Variants in ARSF observed in about 807,000 individuals in gnomAD.
The protein encoded by ARSF is arylsulfatase F.
ARSF carries 33 observed loss-of-function variants against 35.4 expected under a neutral mutation model. The ratio of observed to expected loss-of-function variants is 0.93; its 90% CI spans 0.71 to 1.25. ARSF has a LOEUF of 1.25. Ranked by LOEUF, ARSF falls within the 50% of genes most tolerant of loss-of-function variation. The pLI is 0.00. For synonymous variants in ARSF, 222 were observed against 193.1 expected (o/e 1.15, Z -1.24); for missense variants, 501 against 480.2 (o/e 1.04, Z -0.40).
intron 5 of ARSF, among the ~76,000 whole-genome samples, chrX:3,083,516 A>G (rs909975999): frequency 2.4e-4 from 17 of 69,593 alleles, no homozygotes; most frequent in Non-Finnish European, 4.1e-4. Flanking sequence ...CTATCTATCT[A>G]TCTATCTATC....
chrX:3,093,891 C>T (rs1177883224), intron 7 of ARSF, among the ~76,000 whole-genome samples: 1 of 111,869 alleles, frequency 8.9e-6, no homozygotes, highest in African/African-American at 3.2e-5. Flanking sequence ...TGCAGCCTCA[C>T]CAGCATCTGT....
chrX:3,072,161 C>T lies in ARSF; in HGVS notation c.147C>T (p.Gly49=), dbSNP rs749950847. 1.7e-6 allele frequency: 2 copies of T among 1,210,764 alleles called. No individual in the cohort carries two copies. Among genetic ancestry groups the T allele is most frequent in the East Asian group, 3.0e-5 (1 of 33,820 alleles). The change falls in exon 3 of 11, where the codon GGC becomes GGT. Residue 49 remains glycine (G), a synonymous_variant. Transcript: ENST00000381127. The stretch of plus-strand genomic sequence containing the variant: ...GTATTGGAGATCTGGGCTGCTACGG[C>T]AATGACACCATGAGGTAAGGCGGTT... ...DLGIGDLGCY[G]NDTMRTPHID... is the part of the protein sequence containing the mutation.
intron 1 of ARSF, among the ~76,000 whole-genome samples, chrX:3,055,338 A>G (rs181123730): frequency 0.054 from 4,522 of 83,749 alleles, 231 homozygotes; most frequent in African/African-American, 0.15. Context: ...GCAAAACTCC[A>G]TTTCAAAAAA....
chrX:3,112,286 C>A lies in ARSF; in HGVS notation c.1503C>A (p.His501Gln). ...GTTTCGGAGAACAGGTTACCTACCACAACCCCCCTCTGCTCTTCGATCTCT... is the reference window on the plus strand; with the variant it reads ...GTTTCGGAGAACAGGTTACCTACCAAAACCCCCCTCTGCTCTTCGATCTCT... ...CRCFGEQVTY[H>Q]NPPLLFDLSR... The change falls in exon 11 of 11, where the codon CAC (histidine) becomes CAA (glutamine). Residue 501 changes from histidine to glutamine, a missense_variant. Transcript: ENST00000381127. 1.7e-6 allele frequency: 2 copies of A among 1,211,126 alleles called. No homozygotes were observed. Among genetic ancestry groups the A allele is most frequent in the Middle Eastern group, 4.6e-4 (2 of 4,352 alleles).
At chrX:3,095,122 T>TG (rs1415217791) in intron 7 of ARSF, among the ~76,000 whole-genome samples, 1 of 108,629 alleles carries the variant, frequency 9.2e-6, no homozygotes, top group African/African-American at 3.3e-5. Context: ...CACTCTAGCC[T>TG]GGGTGACAGA....
At chrX:3,092,176 GATACATAC>G (rs776181940) in intron 7 of ARSF, among the ~76,000 whole-genome samples, 5 of 41,137 alleles carry the variant, frequency 1.2e-4, no homozygotes, top group South Asian at 2.0e-3. Context: ...ATGATAGATA[GATACATAC>G]ATACATACAT....
intron 2 of ARSF, among the ~76,000 whole-genome samples, chrX:3,069,897 A>G (rs1027948046): frequency 1.8e-5 from 2 of 111,850 alleles, no homozygotes; most frequent in African/African-American, 6.5e-5. Context: ...CCTATTTGTG[A>G]TGAGAACACT....
intron 7 of ARSF, among the ~76,000 whole-genome samples, chrX:3,096,814 C>T (rs763710979): frequency 6.7e-5 from 7 of 104,090 alleles, no homozygotes; most frequent in Admixed American, 2.1e-4. Context: ...AGTTGACTTA[C>T]ATCCCCCCAA....
chrX:3,095,934 C>T (rs1365874279), intron 7 of ARSF, among the ~76,000 whole-genome samples: 1 of 104,081 alleles, frequency 9.6e-6, no homozygotes, highest in Non-Finnish European at 2.0e-5. Context: ...TTGATATTAT[C>T]TATATTTTAT....
At chrX:3,105,601 A>G (rs752023545) in intron 9 of ARSF, among the ~76,000 whole-genome samples, 1 of 111,255 alleles carries the variant, frequency 9.0e-6, no homozygotes, top group African/African-American at 3.3e-5. Context: ...AGTAGCTGGG[A>G]CTACAGGCAC....
intron 4 of ARSF, among the ~76,000 whole-genome samples, chrX:3,080,670 C>T (rs2090194258): frequency 9.1e-6 from 1 of 110,382 alleles, no homozygotes; most frequent in Non-Finnish European, 1.9e-5. Context: ...GCTGTGTCCT[C>T]ACATGGTGGA....
intron 10 of ARSF, 118 bp from the exon 11 acceptor site, chrX:3,112,056 G>A (rs752117565): frequency 1.1e-5 from 6 of 550,113 alleles, no homozygotes; most frequent in Admixed American, 3.8e-5. Context: ...AACAGGCCAC[G>A]AACAGGTACC....
At chrX:3,112,052 C>CCACG in intron 10 of ARSF, 122 bp from the exon 11 acceptor site, 2 of 530,629 alleles carry the variant, frequency 3.8e-6, no homozygotes, top group Non-Finnish European at 6.2e-6. Context: ...TCTTAACAGG[C>CCACG]CACGAACAGG....
Position 3,086,155 on chromosome X carries a change from A to G in ARSF, c.830+1489A>G, listed in dbSNP as rs560857160. On this transcript the variant is annotated intron_variant, in intron 6 of 10. Transcript: ENST00000381127. ...AATGTGCAGAGTTCTATGAATTTTT[A>G]CAGACAGAGCATCAATATGTGCAAA... Among the ~76,000 whole-genome samples the G allele has an allele frequency of 2.9e-4, 32 of 112,082 alleles. No homozygotes were observed. The South Asian group carries it at 0.012, about 42-fold the overall frequency.
At chrX:3,108,775 G>C (rs901313942) in intron 9 of ARSF, among the ~76,000 whole-genome samples, 3 of 111,627 alleles carry the variant, frequency 2.7e-5, no homozygotes, top group Non-Finnish European at 3.8e-5. Context: ...CCAGCACTTT[G>C]GGAGGCCAAG....
Position 3,101,015 on chromosome X carries a change from T to C in ARSF, c.968-72T>C, listed in dbSNP as rs761836340. The C allele has an allele frequency of 6.7e-6, 7 of 1,037,368 alleles. No homozygotes were observed. The African/African-American group carries it at 1.1e-4, about 17-fold the overall frequency. The allele number at this position is 1,037,368 out of a possible 1,213,427, so 85.5% of individuals were successfully genotyped here. ...TCCTTGTTTTCCTTTAGATAGCTCA[T>C]GCCCATTTGACTTAGGGGTGAAATA... is the stretch of plus-strand genomic sequence containing the variant. On this transcript the variant is annotated intron_variant, in intron 7 of 10. Coordinates refer to ENST00000381127, the MANE Select transcript of ARSF (RefSeq NM_001201539.2).
chrX:3,093,063 G>A (rs930346024), intron 7 of ARSF, among the ~76,000 whole-genome samples: 3 of 110,371 alleles, frequency 2.7e-5, no homozygotes, highest in Non-Finnish European at 3.8e-5. Flanking sequence ...CTACTCGGGA[G>A]GCTGAGGCAG....
intron 9 of ARSF, among the ~76,000 whole-genome samples, chrX:3,108,567 C>T (rs920519524): frequency 7.2e-5 from 8 of 111,748 alleles, no homozygotes; most frequent in African/African-American, 1.9e-4. Flanking sequence ...AAAAGCTATT[C>T]CCAGCTATTC....
rs144591635 is a variant in ARSF, at chrX:3,094,552, C to T, written c.967+4920C>T. On this transcript the variant is annotated intron_variant, in intron 7 of 10. Coordinates refer to ENST00000381127, the MANE Select transcript of ARSF (RefSeq NM_001201539.2). The stretch of plus-strand genomic sequence containing the variant: ...TTCTGCATGGGCAAGAGTCCATCAG[C>T]TTGGATCTGAAGAGCAGGTTTCTCA... 5.0e-3 allele frequency among the ~76,000 whole-genome samples: 557 copies of T among 112,266 alleles called. 3 individuals are homozygous for T. The highest frequency in any genetic ancestry group is 0.016 in the African/African-American group (505 of 31,010).
Sources: gnomAD v4.1 joint callset for allele counts (sites outside exome capture counted in the v4.1 genomes callset) on GRCh38, gnomAD v4.1.1 for gene constraint, MANE v1.5 for transcripts, NCBI Gene and HGNC (gene_info 2026-07-23, HGNC 2026-07-21) for gene names.